The following RGS7 variants were observed in gnomAD, a reference collection of about 807,000 sequenced individuals.
The protein encoded by RGS7 is regulator of G-protein signaling 7.
Under a neutral mutation model 81.1 loss-of-function variants are expected in RGS7, and 27 were observed. The ratio of observed to expected loss-of-function variants is 0.33; its 90% CI spans 0.25 to 0.46. The LOEUF (loss-of-function observed/expected upper bound fraction) is 0.46, where lower values mean the gene tolerates loss of function less well. RGS7 is among the 20% of genes least tolerant of loss of function. The probability of loss-of-function intolerance (pLI) is 1.00; values close to 1 mark genes in which losing one functional copy is unlikely to be tolerated. For missense variants in RGS7, 396 were observed against 607.4 expected, an observed-to-expected ratio of 0.65 and a Z score of 3.66; for synonymous variants, 208 against 207.7, an observed-to-expected ratio of 1.00 and a Z score of -0.01.
chr1:240,967,264 A>G (rs924318122), intron 4 of RGS7, among the ~76,000 whole-genome samples: 1 of 152,210 alleles, frequency 6.6e-6, no homozygotes, highest in Non-Finnish European at 1.5e-5. Context: ...GAGTCACTTG[A>G]GCCCAGACTC....
At chr1:241,213,295 T>C (rs142660715) in intron 2 of RGS7, among the ~76,000 whole-genome samples, 2 of 152,304 alleles carry the variant, frequency 1.3e-5, no homozygotes, top group East Asian at 3.9e-4. Context: ...TTTATGTTCA[T>C]CACAAACAAA....
chr1:240,902,402 T>C (rs2148204987), intron 6 of RGS7, among the ~76,000 whole-genome samples: 1 of 152,288 alleles, frequency 6.6e-6, no homozygotes, highest in Admixed American at 6.5e-5. Context: ...TTGGCTACCA[T>C]TGTTATTTCT....
chr1:240,924,409 T>C (rs1014722955), intron 6 of RGS7, among the ~76,000 whole-genome samples: 1 of 152,174 alleles, frequency 6.6e-6, no homozygotes, highest in Non-Finnish European at 1.5e-5. Context: ...AGGCCTTCCA[T>C]TGAACATTTA....
At chr1:241,135,925 C>A (rs2067479472) in intron 2 of RGS7, among the ~76,000 whole-genome samples, 1 of 140,664 alleles carries the variant, frequency 7.1e-6, no homozygotes, top group African/African-American at 2.8e-5. Context: ...TATGCAGTGA[C>A]AGGACGAATC....
intron 2 of RGS7, among the ~76,000 whole-genome samples, chr1:241,210,724 A>G (rs534643187): frequency 6.6e-6 from 1 of 152,342 alleles, no homozygotes; most frequent in South Asian, 2.1e-4. Flanking sequence ...GAAGCTCAAT[A>G]AAAAGCAAAG....
intron 3 of RGS7, among the ~76,000 whole-genome samples, chr1:241,051,450 A>T (rs112246514): frequency 3.6e-4 from 50 of 140,212 alleles, no homozygotes; most frequent in African/African-American, 1.3e-3. Flanking sequence ...TGAAAAAGGG[A>T]TTGCAGAAGC....
intron 2 of RGS7, among the ~76,000 whole-genome samples, chr1:241,193,277 C>T (rs888194523): frequency 2.0e-5 from 3 of 152,184 alleles, no homozygotes; most frequent in East Asian, 1.9e-4. Context: ...CTAATTCTCC[C>T]GCAAGACCTC....
At chr1:241,355,877 TTCA>T in intron 1 of RGS7, 51 bp from the exon 2 acceptor site, 6 of 948,216 alleles carry the variant, frequency 6.3e-6, no homozygotes, top group Non-Finnish European at 1.0e-5. Flanking sequence ...ACTCCCCTGA[TTCA>T]TCATCATCAT....
At chr1:240,862,721 A>G (rs185315996) in intron 9 of RGS7, among the ~76,000 whole-genome samples, 2 of 152,330 alleles carry the variant, frequency 1.3e-5, no homozygotes, top group East Asian at 3.9e-4. Context: ...ATAATGACAT[A>G]ACTTAAAAGT....
rs114231161 is a variant in RGS7, at chr1:240,984,771, A to C, written c.176-1642T>G. Among the ~76,000 whole-genome samples, 881 of 152,328 alleles carry C rather than the reference A, an allele frequency of 5.8e-3. 5 individuals are homozygous for C. Among genetic ancestry groups the C allele is most frequent in the African/African-American group, 0.02 (849 of 41,584 alleles). On this transcript the variant is annotated intron_variant, in intron 3 of 18. Transcript: ENST00000440928. ...GAGATTTGGCAAATTAATTACATTA[A>C]CATTGGCAAAATAATTCTAGCTGCT...
intron 14 of RGS7, among the ~76,000 whole-genome samples, chr1:240,808,524 A>G (rs1262095417): frequency 1.3e-5 from 2 of 152,212 alleles, no homozygotes; most frequent in Non-Finnish European, 2.9e-5. Context: ...CTCATTTTAG[A>G]GAAGAGGAAA....
intron 3 of RGS7, among the ~76,000 whole-genome samples, chr1:241,075,420 A>AG (rs2062733889): frequency 6.6e-6 from 1 of 152,130 alleles, no homozygotes; most frequent in Non-Finnish European, 1.5e-5. Flanking sequence ...CGAGGAGAAA[A>AG]AGAGAGAGAA....
At chr1:241,063,747 GTT>G (rs71172676) in intron 3 of RGS7, among the ~76,000 whole-genome samples, 1 of 147,374 alleles carries the variant, frequency 6.8e-6, no homozygotes, top group Non-Finnish European at 1.5e-5. Flanking sequence ...GCACTGCTCT[GTT>G]TTTTTTTTAT....
At chr1:241,306,406 C>T (rs576307123) in intron 2 of RGS7, among the ~76,000 whole-genome samples, 1 of 150,758 alleles carries the variant, frequency 6.6e-6, no homozygotes, top group Admixed American at 6.6e-5. Flanking sequence ...CACACACCCT[C>T]ACATGCACAC....
In RGS7 at chr1:240,940,695, GT is replaced by G. The variant is rs373012072; in HGVS notation, c.227-3990del. On this transcript the variant is annotated intron_variant, in intron 4 of 18. Coordinates refer to ENST00000440928, the MANE Select transcript of RGS7 (RefSeq NM_001364886.1). Reference sequence around the variant, plus strand: ...CTGAGTTCTAAGCATAGGAAAGAGTGTGACTAAAACCAAGCCAAGGAACAAC... The same window carrying G: ...CTGAGTTCTAAGCATAGGAAAGAGTGGACTAAAACCAAGCCAAGGAACAAC... Among the ~76,000 whole-genome samples, 23 of 152,270 alleles carry G rather than the reference GT, an allele frequency of 1.5e-4. No individual in the cohort carries two copies. The South Asian group carries it at 2.5e-3, about 16-fold the overall frequency.
chr1:241,175,728 G>A (rs1215363610), intron 2 of RGS7, among the ~76,000 whole-genome samples: 4 of 152,156 alleles, frequency 2.6e-5, no homozygotes, highest in African/African-American at 9.7e-5. Flanking sequence ...GTTAAACCTG[G>A]AAAAATCAGA....
chr1:241,357,042 C>T lies in RGS7; in HGVS notation c.-194G>A, dbSNP rs1178396694. ...GGATGCGGATTCCGCGCCGCCCCGG[C>T]TCTAGCTGCTCAGGCGACCGCCACC... is the stretch of plus-strand genomic sequence containing the variant. On this transcript the variant is annotated 5_prime_UTR_variant, in exon 1 of 19. Coordinates refer to ENST00000440928, the MANE Select transcript of RGS7 (RefSeq NM_001364886.1). The T allele has an allele frequency of 6.6e-6, 1 of 152,176 alleles. No individual in the cohort carries two copies. The highest frequency in any genetic ancestry group is 1.5e-5 in the Non-Finnish European group (1 of 68,168). The allele number at this position is 152,176 out of a possible 1,614,324, so 9.4% of individuals were successfully genotyped here.
chr1:241,260,283 T>C (rs2077266261), intron 2 of RGS7, among the ~76,000 whole-genome samples: 1 of 152,248 alleles, frequency 6.6e-6, no homozygotes, highest in Non-Finnish European at 1.5e-5. Flanking sequence ...TAGAGACTGA[T>C]CCTCAATAGT....
At chr1:240,938,750 C>T (rs1265208778) in intron 4 of RGS7, among the ~76,000 whole-genome samples, 1 of 152,108 alleles carries the variant, frequency 6.6e-6, no homozygotes, top group African/African-American at 2.4e-5. Context: ...TCTCCAAACT[C>T]GCAGTCAAGT....
Sources: allele counts gnomAD v4.1 joint callset (sites outside exome capture counted in the v4.1 genomes callset), GRCh38; gene constraint gnomAD v4.1.1; transcripts MANE v1.5; gene names NCBI Gene and HGNC (gene_info 2026-07-23, HGNC 2026-07-21).